The following RGS6 variants were observed in gnomAD, a reference collection of about 807,000 sequenced individuals.
RGS6 encodes the protein regulator of G-protein signaling 6.
Under a neutral mutation model 78.5 loss-of-function variants are expected in RGS6, and 30 were observed. The observed-to-expected ratio is 0.38, with a 90% CI of 0.29 to 0.52. The LOEUF (loss-of-function observed/expected upper bound fraction) is 0.52. Ranked by LOEUF, RGS6 falls within the 20% of genes least tolerant of loss-of-function variation. RGS6 has a pLI of 0.85. For synonymous variants in RGS6, 206 were observed against 206.0 expected, an observed-to-expected ratio of 1.00 and a Z score of 0.00; for missense variants, 495 against 609.7, an observed-to-expected ratio of 0.81 and a Z score of 1.98.
chr14:72,028,253 C>T (rs11844223), intron 2 of RGS6, among the ~76,000 whole-genome samples: 6,662 of 152,280 alleles, frequency 0.044, 181 homozygotes, highest in African/African-American at 0.078. Context: ...AGGATATGTT[C>T]TGCGTGTTCA....
At chr14:71,884,398 T>G in the RGS6 span, among the ~76,000 whole-genome samples, 1 of 152,236 alleles carries the variant, frequency 6.6e-6, no homozygotes, top group African/African-American at 2.4e-5. Context: ...AGTGGAGTGC[T>G]GAAGAGGAAG....
chr14:72,386,921 T>C (rs530838826), intron 3 of RGS6, among the ~76,000 whole-genome samples: 2 of 151,820 alleles, frequency 1.3e-5, no homozygotes, highest in South Asian at 4.2e-4. Flanking sequence ...TAGCAGTGGG[T>C]AGGAAGAGAA....
chr14:72,451,814 G>A (rs1052358569), intron 3 of RGS6, among the ~76,000 whole-genome samples: 14 of 151,980 alleles, frequency 9.2e-5, no homozygotes, highest in African/African-American at 3.1e-4. Context: ...GTGTAGTGGC[G>A]CGATCTCGGC....
chr14:72,222,088 C>T (rs146939227), intron 2 of RGS6, among the ~76,000 whole-genome samples: 3 of 152,356 alleles, frequency 2.0e-5, no homozygotes, highest in South Asian at 2.1e-4. Context: ...ATGAACTAAT[C>T]AACTAATACT....
At chr14:72,053,840 G>A (rs866294513) in intron 2 of RGS6, among the ~76,000 whole-genome samples, 10 of 152,170 alleles carry the variant, frequency 6.6e-5, no homozygotes, top group Admixed American at 3.9e-4. Context: ...CCTGTATCTG[G>A]CTGCCACCTG....
chr14:72,154,004 C>T (rs1483419832), intron 2 of RGS6, among the ~76,000 whole-genome samples: 3 of 152,164 alleles, frequency 2.0e-5, no homozygotes, highest in African/African-American at 7.2e-5. Flanking sequence ...GTCCTTATCT[C>T]AACCGCATAG....
At position 72,170,498 on chromosome 14, in the gene RGS6, C is replaced by G. The variant is rs142928167; in HGVS notation, c.85-181597C>G. 1.4e-4 allele frequency among the ~76,000 whole-genome samples: 22 copies of G among 152,250 alleles called. No homozygotes were observed. In the East Asian group the frequency reaches 3.9e-3, roughly 27 times the overall value. On this transcript the variant is annotated intron_variant, in intron 2 of 17. Transcript: ENST00000553525. The stretch of plus-strand genomic sequence containing the variant: ...CATTACTCCAGTGAATGGGTGAGGT[C>G]ACTGATTTGCACAATTCCTATGAGA...
Position 71,948,738 on chromosome 14 carries a change from CTCTTT to C in RGS6, c.-21+15799_-21+15803del, listed in dbSNP as rs1208288551. On this transcript the variant is annotated intron_variant, in intron 1 of 17. Transcript: ENST00000553525. ...AAGCTGATTTCCTTTCTCTCTCTCT[CTCTTT>C]TTTTTTTTTTTTTTTTTTTTTTTAA... 4.6e-3 allele frequency among the ~76,000 whole-genome samples: 343 copies of C among 75,182 alleles called. 4 individuals are homozygous for C. Among genetic ancestry groups the C allele is most frequent in the African/African-American group, 0.021 (312 of 15,112 alleles). 49.3% of individuals were successfully genotyped at this position (75,182 alleles called of 152,430 possible). A position where few individuals can be genotyped will look rare whatever the true frequency, so the allele number is the denominator to read the frequency against.
At chr14:72,291,402 C>A (rs2152328408) in intron 2 of RGS6, among the ~76,000 whole-genome samples, 1 of 152,254 alleles carries the variant, frequency 6.6e-6, no homozygotes, top group South Asian at 2.1e-4. Flanking sequence ...CTACATTATT[C>A]TTTTCCTAAC....
the RGS6 span, among the ~76,000 whole-genome samples, chr14:72,597,067 C>T: frequency 2.0e-5 from 3 of 152,092 alleles, no homozygotes; most frequent in Admixed American, 6.5e-5. Context: ...GGTGAAACCC[C>T]TTCTCTACTA....
At chr14:72,329,045 A>G (rs1219442057) in intron 2 of RGS6, among the ~76,000 whole-genome samples, 3 of 151,956 alleles carry the variant, frequency 2.0e-5, no homozygotes, top group East Asian at 3.9e-4. Context: ...CTAATTTTTT[A>G]TATTTTTTAG....
At chr14:72,084,178 C>G (rs548430283) in intron 2 of RGS6, among the ~76,000 whole-genome samples, 36 of 152,284 alleles carry the variant, frequency 2.4e-4, no homozygotes, top group Admixed American at 2.4e-3. Context: ...CTGTTCCCCT[C>G]GGATCATCAG....
chr14:72,344,312 C>T (rs1358652116), intron 2 of RGS6, among the ~76,000 whole-genome samples: 1 of 152,178 alleles, frequency 6.6e-6, no homozygotes, highest in African/African-American at 2.4e-5. Context: ...ATCCGTCTGC[C>T]CTGGTACTGT....
At chr14:72,039,750 G>T (rs895426453) in intron 2 of RGS6, among the ~76,000 whole-genome samples, 5 of 145,700 alleles carry the variant, frequency 3.4e-5, no homozygotes, top group Non-Finnish European at 6.0e-5. Context: ...TGTATATGTT[G>T]TATCTATCTA....
At chr14:72,497,585 C>G (rs972846044) in intron 13 of RGS6, among the ~76,000 whole-genome samples, 2 of 152,068 alleles carry the variant, frequency 1.3e-5, no homozygotes, top group Non-Finnish European at 2.9e-5. Context: ...AAAACATCAT[C>G]GATTTAAACA....
intron 2 of RGS6, among the ~76,000 whole-genome samples, chr14:72,123,759 G>A (rs901475176): frequency 2.6e-5 from 4 of 152,276 alleles, no homozygotes; most frequent in African/African-American, 2.4e-5. Context: ...ATATAAGCAC[G>A]TTATGGAAAG....
chr14:72,486,460 C>A (rs1368465949), intron 12 of RGS6, among the ~76,000 whole-genome samples: 1 of 152,102 alleles, frequency 6.6e-6, no homozygotes, highest in African/African-American at 2.4e-5. Context: ...TCTCAGGAGA[C>A]AAGCAGAAGT....
chr14:72,219,570 C>T (rs951442992), intron 2 of RGS6, among the ~76,000 whole-genome samples: 1 of 152,056 alleles, frequency 6.6e-6, no homozygotes, highest in Non-Finnish European at 1.5e-5. Flanking sequence ...AACCAAGTGA[C>T]TTAATTTTTT....
At chr14:72,502,187 G>A (rs2096735431) in intron 13 of RGS6, among the ~76,000 whole-genome samples, 2 of 152,214 alleles carry the variant, frequency 1.3e-5, no homozygotes, top group Admixed American at 6.5e-5. Flanking sequence ...TGCCATGCTT[G>A]GAGAAGCCCA....
Sources: gnomAD v4.1 joint callset for allele counts (sites outside exome capture counted in the v4.1 genomes callset) on GRCh38, gnomAD v4.1.1 for gene constraint, MANE v1.5 for transcripts, NCBI Gene and HGNC (gene_info 2026-07-23, HGNC 2026-07-21) for gene names.